Variants in PAX8 observed in about 807,000 individuals in gnomAD.
PAX8 encodes paired box protein Pax-8.
In PAX8, 15 loss-of-function variants were observed where a neutral mutation model predicts 52.4. The observed-to-expected ratio is 0.29, with a 90% confidence interval of 0.19 to 0.44. The LOEUF is 0.44. Ranked by LOEUF, PAX8 falls within the 20% of genes least tolerant of loss-of-function variation. The pLI is 1.00. For synonymous variants in PAX8, 284 were observed against 249.7 expected (o/e 1.14, Z -1.29); for missense variants, 554 against 602.5 (o/e 0.92, Z 0.84).
intron 2 of PAX8, among the ~76,000 whole-genome samples, chr2:113,262,366 T>C (rs1339422142): frequency 6.6e-6 from 1 of 152,124 alleles, no homozygotes; most frequent in African/African-American, 2.4e-5. Flanking sequence ...GGATTCTGGC[T>C]TGGGAGGGGG....
At chr2:113,221,002 A>G (rs2104415894) in intron 10 of PAX8, among the ~76,000 whole-genome samples, 1 of 152,366 alleles carries the variant, frequency 6.6e-6, no homozygotes, top group East Asian at 1.9e-4. Flanking sequence ...TGATCACCAC[A>G]GCTACTACCG....
chr2:113,224,791 A>AAAAAT (rs869195294), intron 10 of PAX8, among the ~76,000 whole-genome samples: 4 of 151,024 alleles, frequency 2.6e-5, no homozygotes, highest in African/African-American at 7.3e-5. Context: ...AGTCAAAACA[A>AAAAAT]AAAATAAAAT....
Position 113,218,245 on chromosome 2 carries a change from G to T in PAX8, c.*288C>A, listed in dbSNP as rs1454298221. The T allele has an allele frequency of 5.7e-6, 2 of 353,956 alleles. No homozygotes were observed. The highest frequency in any genetic ancestry group is 1.0e-5 in the Non-Finnish European group (2 of 196,902). The allele number at this position is 353,956 out of a possible 1,614,324, so 21.9% of individuals were successfully genotyped here. ...TTCTTCTCTCCTTTGGTGGGTACCG[G>T]CTGGGGGCTACATTTCTTCTTCAAT... On this transcript the variant is annotated 3_prime_UTR_variant, in exon 12 of 12. Transcript: ENST00000429538.
chr2:113,251,745 A>C (rs1691781149), intron 2 of PAX8, among the ~76,000 whole-genome samples: 2 of 152,196 alleles, frequency 1.3e-5, no homozygotes. Flanking sequence ...GAAAACAGAG[A>C]CACTTATTGA....
At chr2:113,225,789 C>A (rs1029699322) in intron 10 of PAX8, 5 of 329,890 alleles carry the variant, frequency 1.5e-5, no homozygotes, top group Non-Finnish European at 1.7e-5. Flanking sequence ...TCTAAGCAGG[C>A]GGCAGGGGAA....
chr2:113,229,290 A>G (rs1241301318), intron 9 of PAX8, among the ~76,000 whole-genome samples: 1 of 152,180 alleles, frequency 6.6e-6, no homozygotes, highest in Non-Finnish European at 1.5e-5. Flanking sequence ...GGAAAAAAAA[A>G]CATAGCTGTA....
intron 11 of PAX8, 31 bp from the exon 12 acceptor site, chr2:113,218,640 A>C: frequency 7.0e-7 from 1 of 1,420,842 alleles, no homozygotes; most frequent in Non-Finnish European, 9.7e-7. Context: ...TAACAACAAC[A>C]CTGCTGGTCA....
intron 10 of PAX8, chr2:113,226,653 C>T: frequency 5.5e-6 from 6 of 1,094,636 alleles, no homozygotes; most frequent in Non-Finnish European, 6.7e-6. Flanking sequence ...TATATTTCAT[C>T]ATCATCATCG....
rs1689032622 is a variant in PAX8 at position 113,216,504 on chromosome 2, C to G, written c.*2029G>C. ...GCTGCAGGCCCCTGCCCCCTTGTTC[C>G]AGCTGTGTCCCACATGGAGAAGGTC... On this transcript the variant is annotated 3_prime_UTR_variant, in exon 12 of 12. Transcript: ENST00000429538. The G allele has an allele frequency of 4.3e-6, 1 of 230,550 alleles. No individual in the cohort carries two copies. Among genetic ancestry groups the G allele is most frequent in the Admixed American group, 5.7e-5 (1 of 17,690 alleles). The allele number at this position is 230,550 out of a possible 1,614,324, so 14.3% of individuals were successfully genotyped here.
intron 2 of PAX8, among the ~76,000 whole-genome samples, chr2:113,252,265 A>C (rs1420620478): frequency 1.3e-5 from 2 of 152,150 alleles, no homozygotes; most frequent in Non-Finnish European, 1.5e-5. Context: ...TGCCAGGCCT[A>C]TACGCCTTCC....
At chr2:113,243,823 C>T (rs1356801594) in intron 4 of PAX8, among the ~76,000 whole-genome samples, 1 of 152,196 alleles carries the variant, frequency 6.6e-6, no homozygotes, top group Non-Finnish European at 1.5e-5. Context: ...CCAAATAATC[C>T]TGTGCTACCT....
intron 2 of PAX8, chr2:113,274,224 C>T (rs1462269591): frequency 4.6e-5 from 7 of 152,146 alleles, no homozygotes. Flanking sequence ...CGTTTTCTTA[C>T]TTCCTTTTCA....
At chr2:113,255,024 A>G (rs1692093905) in intron 2 of PAX8, among the ~76,000 whole-genome samples, 1 of 150,396 alleles carries the variant, frequency 6.6e-6, no homozygotes, top group African/African-American at 2.4e-5. Context: ...CAAAGGAAAG[A>G]AGGGAAGAAG....
At chr2:113,253,451 G>T (rs1015810847) in intron 2 of PAX8, among the ~76,000 whole-genome samples, 3 of 152,154 alleles carry the variant, frequency 2.0e-5, no homozygotes, top group Non-Finnish European at 4.4e-5. Flanking sequence ...AATACCAGCT[G>T]TCATGCAAGC....
At chr2:113,221,329 C>T (rs74480561) in intron 10 of PAX8, among the ~76,000 whole-genome samples, 6,274 of 152,266 alleles carry the variant, frequency 0.041, 226 homozygotes, top group South Asian at 0.15. Flanking sequence ...AACTCACCTA[C>T]GATTGGGAGC....
intron 2 of PAX8, among the ~76,000 whole-genome samples, chr2:113,252,930 T>C (rs1045325930): frequency 1.2e-4 from 19 of 152,336 alleles, no homozygotes; most frequent in African/African-American, 4.3e-4. Context: ...TACTCTTCTT[T>C]CCTATTGTTT....
chr2:113,277,569 G>A (rs1447462964), intron 2 of PAX8, among the ~76,000 whole-genome samples: 1 of 152,184 alleles, frequency 6.6e-6, no homozygotes, highest in Admixed American at 6.5e-5. Flanking sequence ...TGCGGGCCGC[G>A]CTGCGCCTCC....
At chr2:113,222,545 C>T (rs1198230385) in intron 10 of PAX8, among the ~76,000 whole-genome samples, 4 of 152,148 alleles carry the variant, frequency 2.6e-5, no homozygotes, top group Non-Finnish European at 4.4e-5. Flanking sequence ...GTCTCTGCCC[C>T]GATGAAAGGC....
chr2:113,267,178 G>A (rs1409243386), intron 2 of PAX8: 1 of 152,296 alleles, frequency 6.6e-6, no homozygotes, highest in African/African-American at 2.4e-5. Flanking sequence ...GCTGAGCAGA[G>A]AGGCCTGCCC....
Sources: gnomAD v4.1 joint callset for allele counts (sites outside exome capture counted in the v4.1 genomes callset) on GRCh38, gnomAD v4.1.1 for gene constraint, MANE v1.5 for transcripts, NCBI Gene and HGNC (gene_info 2026-07-23, HGNC 2026-07-21) for gene names.